LRMDA: variants seen among roughly 807,000 people sequenced by gnomAD.
LRMDA encodes leucine-rich melanocyte differentiation-associated protein.
Under a neutral mutation model 29.8 loss-of-function variants are expected in LRMDA, and 18 were observed. That is an observed-to-expected ratio of 0.60 (90% CI 0.42 to 0.90). The LOEUF (loss-of-function observed/expected upper bound fraction) is 0.90, where lower values mean the gene tolerates loss of function less well. Ranked by LOEUF, LRMDA falls within the 40% of genes least tolerant of loss-of-function variation. LRMDA has a pLI of 0.00. For missense variants in LRMDA, 273 were observed against 273.9 expected, an observed-to-expected ratio of 1.00 and a Z score of 0.02; for synonymous variants, 125 against 109.4, an observed-to-expected ratio of 1.14 and a Z score of -0.89.
intron 2 of LRMDA, among the ~76,000 whole-genome samples, chr10:75,955,763 T>C (rs1483076935): frequency 6.6e-6 from 1 of 152,210 alleles, no homozygotes; most frequent in Non-Finnish European, 1.5e-5. Context: ...TGTTCGTATT[T>C]TTGGAGTTCC....
At chr10:76,245,856 T>G (rs1374124565) in intron 5 of LRMDA, among the ~76,000 whole-genome samples, 1 of 152,212 alleles carries the variant, frequency 6.6e-6, no homozygotes, top group Non-Finnish European at 1.5e-5. Context: ...TGTATCATTC[T>G]TATTCTTGAA....
intron 2 of LRMDA, among the ~76,000 whole-genome samples, chr10:75,813,946 G>A (rs548119469): frequency 6.6e-6 from 1 of 152,168 alleles, no homozygotes; most frequent in African/African-American, 2.4e-5. Flanking sequence ...GATGAAAATC[G>A]AAGCATGTGG....
At chr10:76,078,559 G>A (rs1045062245) in intron 5 of LRMDA, among the ~76,000 whole-genome samples, 2 of 152,108 alleles carry the variant, frequency 1.3e-5, no homozygotes, top group African/African-American at 4.8e-5. Flanking sequence ...TTCAGGGCTG[G>A]GTGCGGTGGC....
intron 2 of LRMDA, among the ~76,000 whole-genome samples, chr10:75,546,629 C>G (rs535130506): frequency 6.6e-6 from 1 of 152,124 alleles, no homozygotes; most frequent in South Asian, 2.1e-4. Context: ...ATTGAGTATT[C>G]ATTAATAAGT....
rs949336944 is a variant in LRMDA, at chr10:75,711,552, C to A, written c.131+273058C>A. Among the ~76,000 whole-genome samples the A allele has an allele frequency of 2.0e-5, 3 of 152,018 alleles. No homozygotes were observed. In the East Asian group the frequency reaches 5.8e-4, roughly 29 times the overall value. On this transcript the variant is annotated intron_variant, in intron 2 of 6. Coordinates refer to ENST00000611255, the MANE Select transcript of LRMDA (RefSeq NM_001305581.2). ...GTAAATAGTTTTACTAATTTTATTG[C>A]TCATATTTTAAAAACATTTTTTTCC...
intron 5 of LRMDA, among the ~76,000 whole-genome samples, chr10:76,185,137 C>T (rs1308540534): frequency 1.3e-5 from 2 of 152,158 alleles, no homozygotes; most frequent in African/African-American, 4.8e-5. Context: ...TTTAAGCACA[C>T]ACAAAATGGA....
chr10:75,551,767 T>C (rs1301808458), intron 2 of LRMDA, among the ~76,000 whole-genome samples: 1 of 152,122 alleles, frequency 6.6e-6, no homozygotes, highest in African/African-American at 2.4e-5. Flanking sequence ...TGCTGGGCAC[T>C]GTGGCTTATG....
At chr10:75,971,072 C>G (rs757640427) in intron 2 of LRMDA, among the ~76,000 whole-genome samples, 1 of 152,130 alleles carries the variant, frequency 6.6e-6, no homozygotes, top group Non-Finnish European at 1.5e-5. Flanking sequence ...GCTTTTCAAT[C>G]CTGGTCCAAT....
intron 2 of LRMDA, among the ~76,000 whole-genome samples, chr10:75,605,176 C>A (rs898816187): frequency 6.6e-6 from 1 of 152,168 alleles, no homozygotes; most frequent in Non-Finnish European, 1.5e-5. Context: ...AGTCTCAAGA[C>A]TGGGAATATA....
chr10:76,329,160 G>A (rs894326127), intron 6 of LRMDA, among the ~76,000 whole-genome samples: 1 of 152,118 alleles, frequency 6.6e-6, no homozygotes, highest in Non-Finnish European at 1.5e-5. Flanking sequence ...TCTCTCTTTG[G>A]CCCAACTCTA....
intron 6 of LRMDA, among the ~76,000 whole-genome samples, chr10:76,473,443 A>G (rs1842637811): frequency 1.3e-5 from 2 of 151,500 alleles, no homozygotes; most frequent in Admixed American, 1.3e-4. Flanking sequence ...TTTCCCCCCT[A>G]TGATCAGGAA....
At chr10:75,531,757 G>A (rs1035830845) in intron 2 of LRMDA, among the ~76,000 whole-genome samples, 2 of 152,110 alleles carry the variant, frequency 1.3e-5, no homozygotes, top group African/African-American at 4.8e-5. Context: ...GTCCAGCTAG[G>A]CCAAAAGGAA....
intron 5 of LRMDA, among the ~76,000 whole-genome samples, chr10:76,222,444 C>G (rs984597766): frequency 2.0e-5 from 3 of 152,102 alleles, no homozygotes; most frequent in Admixed American, 6.6e-5. Context: ...ACAACCCCAT[C>G]AAAAAGTGGG....
At chr10:75,902,111 C>A (rs976521501) in intron 2 of LRMDA, among the ~76,000 whole-genome samples, 1 of 152,128 alleles carries the variant, frequency 6.6e-6, no homozygotes, top group Non-Finnish European at 1.5e-5. Context: ...GAGGCCTTTG[C>A]ACACATCCAC....
At chr10:76,448,122 C>T (rs1307549170) in intron 6 of LRMDA, among the ~76,000 whole-genome samples, 1 of 151,940 alleles carries the variant, frequency 6.6e-6, no homozygotes, top group Non-Finnish European at 1.5e-5. Flanking sequence ...ATTTAAATAA[C>T]CAAAAATATA....
intron 6 of LRMDA, among the ~76,000 whole-genome samples, chr10:76,356,312 A>G (rs1841239196): frequency 6.6e-6 from 1 of 152,212 alleles, no homozygotes; most frequent in African/African-American, 2.4e-5. Flanking sequence ...TCAGGCATGG[A>G]GGCACAGAGG....
chr10:76,057,075 A>G (rs1227206794), intron 4 of LRMDA, among the ~76,000 whole-genome samples: 2 of 152,176 alleles, frequency 1.3e-5, no homozygotes, highest in Non-Finnish European at 2.9e-5. Context: ...TCCAAGTAAC[A>G]TCCTCACTGA....
chr10:76,119,706 C>A (rs1849743959), intron 5 of LRMDA, among the ~76,000 whole-genome samples: 1 of 152,182 alleles, frequency 6.6e-6, no homozygotes, highest in Non-Finnish European at 1.5e-5. Context: ...TCCCAAGGGA[C>A]TTCCAGGAAA....
intron 6 of LRMDA, among the ~76,000 whole-genome samples, chr10:76,372,562 C>T (rs975489971): frequency 1.3e-5 from 2 of 150,296 alleles, no homozygotes; most frequent in Admixed American, 1.3e-4. Flanking sequence ...TGCAGTGAGC[C>T]GAGATCACAT....
Sources: gnomAD v4.1 joint callset for allele counts (sites outside exome capture counted in the v4.1 genomes callset) on GRCh38, gnomAD v4.1.1 for gene constraint, MANE v1.5 for transcripts, NCBI Gene and HGNC (gene_info 2026-07-23, HGNC 2026-07-21) for gene names.